The following RASGEF1C variants were observed in gnomAD, a reference collection of about 807,000 sequenced individuals.
RASGEF1C encodes the protein RasGEF domain family member 1C, also known as ras-GEF domain-containing family member 1C.
RASGEF1C carries 27 observed loss-of-function variants against 58.1 expected under a neutral mutation model. The ratio of observed to expected loss-of-function variants is 0.46; its 90% CI spans 0.34 to 0.64. The LOEUF (loss-of-function observed/expected upper bound fraction) is 0.64. Ranked by LOEUF, RASGEF1C falls within the 30% of genes least tolerant of loss-of-function variation. The pLI is 0.01. For synonymous variants in RASGEF1C, 243 were observed against 246.3 expected, an observed-to-expected ratio of 0.99 and a Z score of 0.13; for missense variants, 502 against 605.1, an observed-to-expected ratio of 0.83 and a Z score of 1.79.
chr5:180,128,148 G>T lies in RASGEF1C; in HGVS notation c.639+262C>A, dbSNP rs113842304. Reference sequence around the variant, plus strand: ...GTGATGGAGACATGAGCGAGCGCACGGGAGCGCGCTGAAGAGTGCCTGGAG... The same window carrying T: ...GTGATGGAGACATGAGCGAGCGCACTGGAGCGCGCTGAAGAGTGCCTGGAG... On this transcript the variant is annotated intron_variant, in intron 5 of 13. Transcript: ENST00000361132. Among the ~76,000 whole-genome samples the T allele has an allele frequency of 7.2e-5, 11 of 152,338 alleles. No homozygotes were observed. In the South Asian group the frequency reaches 2.3e-3, roughly 32 times the overall value.
In RASGEF1C at chr5:180,163,254, C is replaced by CTTTTTTT. The variant is rs1187829324; in HGVS notation, c.-6-25197_-6-25196insAAAAAAA. Reference sequence around the variant, plus strand: ...CACTTTTTTTTTTTTTTTTTTTTTCCAGCCTATTGCACTGGCTAGGACTTC... The same window carrying CTTTTTTT: ...CACTTTTTTTTTTTTTTTTTTTTTCCTTTTTTTAGCCTATTGCACTGGCTAGGACTTC... On this transcript the variant is annotated intron_variant, in intron 1 of 13. Transcript: ENST00000361132. Among the ~76,000 whole-genome samples the CTTTTTTT allele has an allele frequency of 6.5e-4, 46 of 71,050 alleles. 8 individuals are homozygous for CTTTTTTT. Among genetic ancestry groups the CTTTTTTT allele is most frequent in the African/African-American group, 1.0e-3 (16 of 15,976 alleles). 46.6% of individuals were successfully genotyped at this position (71,050 alleles called of 152,430 possible).
At chr5:180,205,715 A>ATATTATTATTATTATTATTATTATTAT (rs10577396) in intron 1 of RASGEF1C, among the ~76,000 whole-genome samples, 3 of 147,122 alleles carry the variant, frequency 2.0e-5, no homozygotes, top group African/African-American at 7.5e-5. Context: ...CATTATTATA[A>ATATTATTATTATTATTATTATTATTAT]TATTATTATT....
chr5:180,186,317 A>T (rs1756039420), intron 1 of RASGEF1C, among the ~76,000 whole-genome samples: 1 of 152,158 alleles, frequency 6.6e-6, no homozygotes, highest in Admixed American at 6.5e-5. Flanking sequence ...AGAGCTAAAA[A>T]ACAAATTCAG....
At chr5:180,161,313 C>A (rs895365640) in intron 1 of RASGEF1C, among the ~76,000 whole-genome samples, 1 of 152,232 alleles carries the variant, frequency 6.6e-6, no homozygotes, top group Non-Finnish European at 1.5e-5. Context: ...TCCAGAGTGT[C>A]TTTTGGGAGG....
At chr5:180,199,566 A>G (rs955387528) in intron 1 of RASGEF1C, among the ~76,000 whole-genome samples, 5 of 152,190 alleles carry the variant, frequency 3.3e-5, no homozygotes, top group African/African-American at 7.2e-5. Context: ...AAATGCACCA[A>G]TTAGGATGCT....
At chr5:180,178,035 C>T (rs1365503617) in intron 1 of RASGEF1C, among the ~76,000 whole-genome samples, 7 of 151,444 alleles carry the variant, frequency 4.6e-5, no homozygotes, top group Non-Finnish European at 8.8e-5. Flanking sequence ...GGCATGATCT[C>T]GGCTCACCGC....
chr5:180,140,603 C>G (rs1002360898), intron 1 of RASGEF1C, among the ~76,000 whole-genome samples: 1 of 152,194 alleles, frequency 6.6e-6, no homozygotes, highest in Non-Finnish European at 1.5e-5. Flanking sequence ...CCACTCCCAC[C>G]CCTCCCTGCA....
intron 1 of RASGEF1C, among the ~76,000 whole-genome samples, chr5:180,149,083 T>C (rs1343830042): frequency 2.1e-5 from 2 of 96,678 alleles, no homozygotes; most frequent in African/African-American, 3.6e-5. Context: ...CTTTTCTTTT[T>C]TTTTCTTTTT....
At chr5:180,138,311 C>G in intron 1 of RASGEF1C, 1 of 370,840 alleles carries the variant, frequency 2.7e-6, no homozygotes, top group Non-Finnish European at 4.8e-6. Flanking sequence ...ACTCCTCTTG[C>G]CCCACTCAGG....
intron 1 of RASGEF1C, among the ~76,000 whole-genome samples, chr5:180,186,651 GC>G (rs1344490268): frequency 1.3e-5 from 2 of 152,188 alleles, no homozygotes; most frequent in Non-Finnish European, 2.9e-5. Context: ...AATTCCAACA[GC>G]CTTTTTTTTC....
intron 7 of RASGEF1C, among the ~76,000 whole-genome samples, chr5:180,120,757 C>T (rs947192445): frequency 2.6e-4 from 40 of 152,196 alleles, no homozygotes; most frequent in Middle Eastern, 3.2e-3. Context: ...CAAGGCAGGC[C>T]GGCACAGATG....
intron 1 of RASGEF1C, among the ~76,000 whole-genome samples, chr5:180,141,464 A>G (rs6878835): frequency 0.94 from 142,533 of 152,272 alleles, 67,463 homozygotes; most frequent in East Asian, 1. Context: ...CCTGACACAG[A>G]AGCACAAACA....
In RASGEF1C at chr5:180,177,468, C is replaced by T. The variant is rs573221704; in HGVS notation, c.-7+31560G>A. On this transcript the variant is annotated intron_variant, in intron 1 of 13. Coordinates refer to ENST00000361132, the MANE Select transcript of RASGEF1C (RefSeq NM_175062.4). The surrounding 1 kb of genome is among the most constrained non-coding windows in gnomAD (Gnocchi z 5.0). ...GCAGTCCACGGGCAGGGCAGAGCCC[C>T]GGGCTTCCTTCCGGGACCCCTGCCA... 1.4e-4 allele frequency among the ~76,000 whole-genome samples: 21 copies of T among 152,370 alleles called. No individual in the cohort carries two copies. The highest frequency in any genetic ancestry group is 2.2e-4 in the Non-Finnish European group (15 of 68,034).
chr5:180,180,283 C>G (rs917365019), intron 1 of RASGEF1C, among the ~76,000 whole-genome samples: 2 of 152,218 alleles, frequency 1.3e-5, no homozygotes, highest in East Asian at 3.8e-4. Context: ...TGTGCACATG[C>G]AGGCTGGTGG....
At chr5:180,207,873 G>A (rs1231205627) in intron 1 of RASGEF1C, among the ~76,000 whole-genome samples, 1 of 151,918 alleles carries the variant, frequency 6.6e-6, no homozygotes, top group African/African-American at 2.4e-5. Context: ...AGGCTCCGCC[G>A]CGCCCTGGTC....
At chr5:180,191,750 T>C (rs186241933) in intron 1 of RASGEF1C, among the ~76,000 whole-genome samples, 37 of 152,366 alleles carry the variant, frequency 2.4e-4, no homozygotes, top group Admixed American at 7.2e-4. Flanking sequence ...TACTGCCGTG[T>C]AACAAGTTAG....
intron 1 of RASGEF1C, among the ~76,000 whole-genome samples, chr5:180,159,621 T>C (rs1295611616): frequency 6.6e-6 from 1 of 152,128 alleles, no homozygotes; most frequent in African/African-American, 2.4e-5. Context: ...AGAGAGATGA[T>C]GGGGCTGCGG....
intron 10 of RASGEF1C, among the ~76,000 whole-genome samples, chr5:180,117,173 C>T (rs1186718874): frequency 6.6e-6 from 1 of 152,244 alleles, no homozygotes; most frequent in Non-Finnish European, 1.5e-5. Flanking sequence ...CTGCTCCCCT[C>T]TGCAGCAGAC....
rs756469943 is a variant in RASGEF1C at position 180,121,047 on chromosome 5, G to T, written c.804+13C>A. On this transcript the variant is annotated intron_variant, in intron 7 of 13. Coordinates refer to ENST00000361132, the MANE Select transcript of RASGEF1C (RefSeq NM_175062.4). ...GCTATGCCAGGTGGTGCCCACCCTG[G>T]CTGTCTACTCACCATGCAGATCTCA... The T allele has an allele frequency of 1.2e-6, 2 of 1,605,540 alleles. No homozygotes were observed. Among genetic ancestry groups the T allele is most frequent in the South Asian group, 2.2e-5 (2 of 90,878 alleles).
Sources: allele counts gnomAD v4.1 joint callset (sites outside exome capture counted in the v4.1 genomes callset), GRCh38; gene constraint gnomAD v4.1.1; non-coding constraint Gnocchi (gnomAD v3.1); transcripts MANE v1.5; gene names NCBI Gene and HGNC (gene_info 2026-07-23, HGNC 2026-07-21).